The following LIMS2 variants were observed in gnomAD, a reference collection of about 807,000 sequenced individuals.
LIMS2 encodes LIM and senescent cell antigen-like-containing domain protein 2.
In LIMS2, 30 loss-of-function variants were observed where a neutral mutation model predicts 45.3. The observed-to-expected ratio is 0.66, with a 90% CI of 0.50 to 0.90. The LOEUF is 0.90. LIMS2 is among the 40% of genes least tolerant of loss of function. LIMS2 has a pLI of 0.00. For synonymous variants in LIMS2, 173 were observed against 188.0 expected (o/e 0.92, Z 0.65); for missense variants, 485 against 468.7 (o/e 1.03, Z -0.32).
At chr2:127,648,570 C>T (rs773366267) in intron 4 of LIMS2, among the ~76,000 whole-genome samples, 1 of 152,102 alleles carries the variant, frequency 6.6e-6, no homozygotes, top group East Asian at 1.9e-4. Context: ...CTCTCTGCCC[C>T]GTGCCACCAG....
chr2:127,666,800 A>G (rs1685025272), intron 1 of LIMS2, among the ~76,000 whole-genome samples: 2 of 152,188 alleles, frequency 1.3e-5, no homozygotes, highest in Non-Finnish European at 2.9e-5. Context: ...TGGCAGGAAG[A>G]AATACCAAGC....
chr2:127,657,415 C>T lies in LIMS2; in HGVS notation c.159G>A (p.Gly53=), dbSNP rs756158958. ...CAQCFRPFPE[G]LFYEFEGRKY... ...GTAGTGTCCTCACCTCATAGAAGAG[C>T]CCCTCGGGGAAGGGCCGGAAGCACT... The change falls in exon 2 of 10, where the codon GGG becomes GGA. Residue 53 remains glycine (G), a synonymous_variant. Coordinates refer to ENST00000355119, the MANE Select transcript of LIMS2 (RefSeq NM_001161403.3). 8.1e-6 allele frequency: 13 copies of T among 1,613,832 alleles called. No individual in the cohort carries two copies. In the South Asian group the frequency reaches 1.4e-4, roughly 18 times the overall value.
intron 1 of LIMS2, among the ~76,000 whole-genome samples, chr2:127,670,237 T>C (rs1685215724): frequency 6.6e-6 from 1 of 152,216 alleles, no homozygotes; most frequent in Admixed American, 6.5e-5. Flanking sequence ...TGCAAATGTC[T>C]ACCACGGATG....
chr2:127,665,716 A>G (rs1024468827), intron 1 of LIMS2, among the ~76,000 whole-genome samples: 1 of 152,238 alleles, frequency 6.6e-6, no homozygotes, highest in Non-Finnish European at 1.5e-5. Flanking sequence ...CTACAAGTCA[A>G]TGCCATAGGG....
At chr2:127,669,521 C>T (rs1038559816) in intron 1 of LIMS2, among the ~76,000 whole-genome samples, 2 of 152,044 alleles carry the variant, frequency 1.3e-5, no homozygotes, top group Non-Finnish European at 2.9e-5. Context: ...TGAGACCAGC[C>T]TGGCCAACAT....
Position 127,639,132 on chromosome 2 carries a change from T to G in LIMS2, c.*149A>C. The G allele has an allele frequency of 3.7e-6, 3 of 806,112 alleles. No homozygotes were observed. Among genetic ancestry groups the G allele is most frequent in the Admixed American group, 2.8e-5 (1 of 35,834 alleles). The allele number at this position is 806,112 out of a possible 1,614,324, so 49.9% of individuals were successfully genotyped here. A position where few individuals can be genotyped will look rare whatever the true frequency, so the allele number is the denominator to read the frequency against. Reference sequence around the variant, plus strand: ...AGGAGAGACATGGGGAAGGCAGAGATGAGGGAACAGGAAGGGAGAAGGCAA... The same window carrying G: ...AGGAGAGACATGGGGAAGGCAGAGAGGAGGGAACAGGAAGGGAGAAGGCAA... On this transcript the variant is annotated 3_prime_UTR_variant, in exon 10 of 10. Transcript: ENST00000355119.
At chr2:127,655,947 G>C (rs965823814) in intron 2 of LIMS2, 1 of 152,228 alleles carries the variant, frequency 6.6e-6, no homozygotes, top group Non-Finnish European at 1.5e-5. Context: ...GGCAGGCCCT[G>C]CTGTGGGGCG....
Position 127,647,222 on chromosome 2 carries a change from A to C in LIMS2, c.360-4150T>G, listed in dbSNP as rs1683085617. On this transcript the variant is annotated intron_variant, in intron 4 of 9. Transcript: ENST00000355119. The surrounding 1 kb of genome is among the most constrained non-coding windows in gnomAD (Gnocchi z 4.3). ...TTCTCATTTCATACATGGGCCCCTA[A>C]AATGAGGGAGTGGCCCCAGGGCCAG... Among the ~76,000 whole-genome samples, 1 of 152,152 alleles carries C rather than the reference A, an allele frequency of 6.6e-6. No homozygotes were observed. The highest frequency in any genetic ancestry group is 2.4e-5 in the African/African-American group (1 of 41,446).
rs750732469 is a variant in LIMS2 at position 127,642,161 on chromosome 2, T to C, written c.548A>G (p.Glu183Gly). The C allele has an allele frequency of 1.3e-6, 2 of 1,586,732 alleles. No individual in the cohort carries two copies. The highest frequency in any genetic ancestry group is 2.3e-5 in the East Asian group (1 of 43,540). ...GTCATGGCAGGGCAGGCAGTAGAGC[T>C]CACCCTTCAGCTCGCGGGCCTCGGC... ...LTAEARELKG[E>G]LYCLPCHDKM... The change falls in exon 6 of 10, where the codon GAG (glutamate) becomes GGG (glycine). Residue 183 changes from glutamate (E) to glycine (G), a missense_variant. Physicochemically the swap from Glu to Gly is moderately conservative, Grantham distance 98. Coordinates refer to ENST00000355119, the MANE Select transcript of LIMS2 (RefSeq NM_001161403.3). The surrounding 1 kb of genome is among the most constrained non-coding windows in gnomAD (Gnocchi z 5.3).
chr2:127,658,878 C>G (rs945873498), intron 1 of LIMS2, among the ~76,000 whole-genome samples: 1 of 152,190 alleles, frequency 6.6e-6, no homozygotes, highest in African/African-American at 2.4e-5. Context: ...GAATACCTCT[C>G]CGCCTGCTCT....
chr2:127,673,182 G>A (rs1199033185), intron 1 of LIMS2, among the ~76,000 whole-genome samples: 2 of 152,178 alleles, frequency 1.3e-5, no homozygotes, highest in Non-Finnish European at 2.9e-5. Flanking sequence ...CACTCAGATC[G>A]CTCACAGCTG....
chr2:127,641,080 A>G, intron 6 of LIMS2, 92 bp from the exon 7 acceptor site: 2 of 978,308 alleles, frequency 2.0e-6, no homozygotes. Context: ...TGACCCCAGG[A>G]GCCAGTGACT....
chr2:127,659,440 C>T (rs1315504015), intron 1 of LIMS2, among the ~76,000 whole-genome samples: 4 of 152,116 alleles, frequency 2.6e-5, no homozygotes, highest in Admixed American at 6.5e-5. Context: ...CTCCACGGGG[C>T]GAGCCAGGCA....
chr2:127,664,294 C>G lies in LIMS2; in HGVS notation c.12-6732G>C. On this transcript the variant is annotated intron_variant, in intron 1 of 9. Transcript: ENST00000355119. This position sits in a 1 kb window ranked among gnomAD's most constrained non-coding sequence, Gnocchi z 5.5. ...ATTGTCCCCGCCACCCGCCCCGCCCCTGGCCACCTACCCCGTGGCTGGCGG... is the reference window on the plus strand; with the variant it reads ...ATTGTCCCCGCCACCCGCCCCGCCCGTGGCCACCTACCCCGTGGCTGGCGG... The G allele has an allele frequency of 8.1e-7, 1 of 1,237,448 alleles. No homozygotes were observed. The highest frequency in any genetic ancestry group is 1.0e-6 in the Non-Finnish European group (1 of 991,378). The allele number at this position is 1,237,448 out of a possible 1,614,324, so 76.7% of individuals were successfully genotyped here.
chr2:127,639,940 G>T, intron 9 of LIMS2, 130 bp downstream of exon 9: 1 of 963,146 alleles, frequency 1.0e-6, no homozygotes, highest in Non-Finnish European at 1.6e-6. Flanking sequence ...GTGGTATAAG[G>T]CCGGGCTGCC....
At chr2:127,641,198 A>T in intron 6 of LIMS2, 1 of 547,376 alleles carries the variant, frequency 1.8e-6, no homozygotes, top group Non-Finnish European at 3.3e-6. Flanking sequence ...GAGGGGACTG[A>T]CACCTCTGTG....
intron 4 of LIMS2, chr2:127,651,578 C>G: frequency 6.2e-7 from 1 of 1,612,920 alleles, no homozygotes; most frequent in Non-Finnish European, 8.5e-7. Flanking sequence ...CAAACCGCAT[C>G]ACCTCCTGCC....
chr2:127,661,307 G>A (rs1684641230), intron 1 of LIMS2, among the ~76,000 whole-genome samples: 1 of 152,226 alleles, frequency 6.6e-6, no homozygotes, highest in Admixed American at 6.5e-5. Flanking sequence ...GAGCCAAAGT[G>A]AATGAATGGC....
chr2:127,673,133 G>A (rs1685342961), intron 1 of LIMS2, among the ~76,000 whole-genome samples: 1 of 152,178 alleles, frequency 6.6e-6, no homozygotes, highest in African/African-American at 2.4e-5. Context: ...CACCAGCACT[G>A]CGGGCAGCAG....
Sources: gnomAD v4.1 joint callset for allele counts (sites outside exome capture counted in the v4.1 genomes callset) on GRCh38, gnomAD v4.1.1 for gene constraint, Gnocchi (gnomAD v3.1) non-coding constraint, MANE v1.5 for transcripts, NCBI Gene and HGNC (gene_info 2026-07-23, HGNC 2026-07-21) for gene names.